The following CD8A variants were observed in gnomAD, a reference collection of about 807,000 sequenced individuals.
CD8A encodes the protein T-cell surface glycoprotein CD8 alpha chain.
CD8A carries 25 observed loss-of-function variants against 24.2 expected under a neutral mutation model. That is an observed-to-expected ratio of 1.03 (90% CI 0.75 to 1.44). The LOEUF (loss-of-function observed/expected upper bound fraction) is 1.44. Among genes scored for constraint, CD8A ranks in the 40% most tolerant of loss-of-function variants. The pLI is 0.00. For missense variants in CD8A, 360 were observed against 319.7 expected, an observed-to-expected ratio of 1.13 and a Z score of -0.96; for synonymous variants, 165 against 149.9, an observed-to-expected ratio of 1.10 and a Z score of -0.74.
At chr2:86,793,925 C>A (rs953040679), upstream of CD8A, among the ~76,000 whole-genome samples, 8 of 152,178 alleles carry the variant, frequency 5.3e-5, no homozygotes, top group Non-Finnish European at 1.2e-4. Context: ...GAGGATAAGG[C>A]AACATGTCAA....
intron 5 of CD8A, among the ~76,000 whole-genome samples, chr2:86,787,245 G>A (rs1183725312): frequency 6.6e-6 from 1 of 151,456 alleles, no homozygotes; most frequent in South Asian, 2.1e-4. Flanking sequence ...ACAATACCCG[G>A]CTCATTTTCA....
At chr2:86,792,514 A>G (rs1466812513), upstream of CD8A, among the ~76,000 whole-genome samples, 1 of 148,414 alleles carries the variant, frequency 6.7e-6, no homozygotes, top group Non-Finnish European at 1.5e-5. Context: ...TTTTTTTGAG[A>G]TGGGGTCTGG....
chr2:86,789,800 C>A, intron 2 of CD8A, 50 bp from the exon 3 acceptor site: 1 of 1,047,820 alleles, frequency 9.5e-7, no homozygotes, highest in Non-Finnish European at 1.2e-6. Context: ...GTTATGGAGG[C>A]GCCCCAGCCC....
rs1439210163 is a variant in CD8A, at chr2:86,802,662, G to A, written c.-417-1005C>T. ...ACTCTGCCGCCCAGGCTGGACCGCA[G>A]TGGCACAATCTCCACTCACTGCAAC... is the stretch of plus-strand genomic sequence containing the variant. On this transcript the variant is annotated intron_variant, in intron 2 of 8. Transcript: ENST00000409511. Among the ~76,000 whole-genome samples, 2 of 152,152 alleles carry A rather than the reference G, an allele frequency of 1.3e-5. 1 individual carries two copies. Among genetic ancestry groups the A allele is most frequent in the East Asian group, 3.8e-4 (2 of 5,196 alleles).
chr2:86,787,080 A>AC (rs1553430191), intron 5 of CD8A, among the ~76,000 whole-genome samples: 1 of 62,992 alleles, frequency 1.6e-5, no homozygotes, highest in African/African-American at 5.7e-5. Flanking sequence ...TTCCCCCCCC[A>AC]CTTTTTTTTT....
At chr2:86,791,483 G>A (rs1673308336), upstream of CD8A, 1 of 453,670 alleles carries the variant, frequency 2.2e-6, no homozygotes, top group African/African-American at 2.0e-5. Flanking sequence ...TCATTCTTCC[G>A]GCCTTTCATC....
At chr2:86,786,635 G>A (rs970143057) in intron 5 of CD8A, among the ~76,000 whole-genome samples, 1 of 152,100 alleles carries the variant, frequency 6.6e-6, no homozygotes, top group African/African-American at 2.4e-5. Context: ...TTTATTCTCA[G>A]TTATTCATCT....
chr2:86,802,442 A>G (rs1410869950), intron 2 of CD8A, among the ~76,000 whole-genome samples: 2 of 152,180 alleles, frequency 1.3e-5, no homozygotes, highest in Non-Finnish European at 2.9e-5. Context: ...ATAATCTAAG[A>G]CTTTTAATAT....
chr2:86,787,793 CT>C (rs1190986338), intron 5 of CD8A, among the ~76,000 whole-genome samples: 1 of 152,104 alleles, frequency 6.6e-6, no homozygotes, highest in East Asian at 1.9e-4. Context: ...AGTATTACCC[CT>C]ATCACAGTGC....
chr2:86,785,362 T>C lies in CD8A; in HGVS notation c.*558A>G, dbSNP rs1672953335. 2.2e-6 allele frequency: 1 copy of C among 454,178 alleles called. No individual in the cohort carries two copies. The highest frequency in any genetic ancestry group is 6.9e-5 in the East Asian group (1 of 14,410). The allele number at this position is 454,178 out of a possible 1,614,324, so 28.1% of individuals were successfully genotyped here. ...TTAATTCATTACCTCCTCGAGGCTC[T>C]GGGCACAGTATCCCAGGTATCAAGA... On this transcript the variant is annotated 3_prime_UTR_variant, in exon 6 of 6. Coordinates refer to ENST00000283635, the MANE Select transcript of CD8A (RefSeq NM_001768.7).
rs189583343 is a variant in CD8A, at chr2:86,789,284, G to A, written c.625+39C>T. On this transcript the variant is annotated intron_variant, in intron 4 of 5. Coordinates refer to ENST00000283635, the MANE Select transcript of CD8A (RefSeq NM_001768.7). ...AGCTAGCAGAGCCAAGGGCAGGAGCGGGGCCGACTCCTTCCCGCCGCGATT... is the reference window on the plus strand; with the variant it reads ...AGCTAGCAGAGCCAAGGGCAGGAGCAGGGCCGACTCCTTCCCGCCGCGATT... 1.2e-5 allele frequency: 16 copies of A among 1,322,356 alleles called. No individual in the cohort carries two copies. In the African/African-American group the frequency reaches 1.9e-4, roughly 15 times the overall value. 81.9% of individuals were successfully genotyped at this position (1,322,356 alleles called of 1,614,324 possible). A position where few individuals can be genotyped will look rare whatever the true frequency, so the allele number is the denominator to read the frequency against.
At chr2:86,805,929 T>TTC (rs555767455) in intron 2 of CD8A, among the ~76,000 whole-genome samples, 1 of 151,726 alleles carries the variant, frequency 6.6e-6, no homozygotes, top group Non-Finnish European at 1.5e-5. Flanking sequence ...TTTTCTTTCT[T>TTC]TCTCTCTCTC....
chr2:86,800,582 G>A (rs1476190273), intron 3 of CD8A, among the ~76,000 whole-genome samples: 2 of 152,080 alleles, frequency 1.3e-5, no homozygotes, highest in Non-Finnish European at 2.9e-5. Flanking sequence ...TTCAGCAATC[G>A]TTTTTAAGTG....
chr2:86,799,939 CT>C (rs35272576), intron 3 of CD8A, among the ~76,000 whole-genome samples: 29,339 of 140,696 alleles, frequency 0.21, 2,916 homozygotes, highest in Non-Finnish European at 0.25. Flanking sequence ...AATCAGAATT[CT>C]TTTTTTTTTT....
intron 2 of CD8A, among the ~76,000 whole-genome samples, chr2:86,806,911 A>T (rs1169065589): frequency 3.9e-5 from 6 of 152,156 alleles, no homozygotes; most frequent in Non-Finnish European, 8.8e-5. Context: ...TAAAGTTTCT[A>T]TTTTGGGTAA....
At chr2:86,803,965 T>C (rs1211028534) in intron 2 of CD8A, among the ~76,000 whole-genome samples, 2 of 152,140 alleles carry the variant, frequency 1.3e-5, no homozygotes, top group African/African-American at 4.8e-5. Flanking sequence ...AGCAAACATA[T>C]AGGATGAACA....
In CD8A at chr2:86,788,551, C is replaced by T. The variant is rs763926594; in HGVS notation, c.635G>A (p.Arg212Lys). Residue 212 changes from arginine to lysine, a missense_variant, in exon 5 of 6, where the codon AGA (arginine) becomes AAA (lysine). Arg to Lys is a conservative substitution (Grantham distance 26). Transcript: ENST00000283635. ...TCACCGGGGACATTTGCAAACACGT[C>T]TTCGGTTCCCTGGATAAGGAAAAAG... is the stretch of plus-strand genomic sequence containing the variant. ...ITLYCNHRNR[R>K]RVCKCPRPVV... is the part of the protein sequence containing the mutation. 6.2e-7 allele frequency: 1 copy of T among 1,613,424 alleles called. No homozygotes were observed. The highest frequency in any genetic ancestry group is 8.5e-7 in the Non-Finnish European group (1 of 1,179,608).
chr2:86,799,039 T>C (rs1673576356), intron 3 of CD8A, among the ~76,000 whole-genome samples: 1 of 152,232 alleles, frequency 6.6e-6, no homozygotes, highest in East Asian at 1.9e-4. Context: ...TGTGGTGTAT[T>C]ATCCTGTGAA....
upstream of CD8A, among the ~76,000 whole-genome samples, chr2:86,792,015 CCCTT>C (rs1187145605): frequency 2.0e-5 from 3 of 152,158 alleles, no homozygotes; most frequent in East Asian, 5.8e-4. Context: ...CATGTGTGTC[CCCTT>C]CCTTTTTGTT....
Sources: allele counts gnomAD v4.1 joint callset (sites outside exome capture counted in the v4.1 genomes callset), GRCh38; gene constraint gnomAD v4.1.1; transcripts MANE v1.5; gene names NCBI Gene and HGNC (gene_info 2026-07-23, HGNC 2026-07-21).